PAK3: variants seen among roughly 807,000 people sequenced by gnomAD.
PAK3 encodes serine/threonine-protein kinase PAK 3.
In PAK3, 4 loss-of-function variants were observed where a neutral mutation model predicts 41.0. That is an observed-to-expected ratio of 0.10 (90% CI 0.05 to 0.22). PAK3 has a LOEUF of 0.22. PAK3 is among the 10% of genes least tolerant of loss of function. The pLI, the probability that PAK3 is intolerant of heterozygous loss-of-function variation, is 1.00. For synonymous variants in PAK3, 146 were observed against 139.6 expected (o/e 1.05, Z -0.32); for missense variants, 205 against 409.9 (o/e 0.50, Z 4.32).
intron 1 of PAK3, among the ~76,000 whole-genome samples, chrX:111,090,981 A>G (rs373362480): frequency 8.5e-4 from 95 of 111,587 alleles, no homozygotes; most frequent in African/African-American, 3.0e-3. Flanking sequence ...AATATATAAT[A>G]TGATCCACTT....
intron 17 of PAK3, among the ~76,000 whole-genome samples, chrX:111,219,040 A>T (rs2404701): frequency 0.077 from 8,280 of 108,081 alleles, 758 homozygotes; most frequent in African/African-American, 0.25. Flanking sequence ...AAATACAAAA[A>T]TTAGCCAGGC....
chrX:110,947,378 GA>G (rs1374222742), intron 1 of PAK3, among the ~76,000 whole-genome samples: 3 of 111,679 alleles, frequency 2.7e-5, no homozygotes, highest in African/African-American at 9.8e-5. Flanking sequence ...GTATCTCTAA[GA>G]TACATTCTCC....
intron 1 of PAK3, among the ~76,000 whole-genome samples, chrX:111,053,652 T>C (rs143756740): frequency 2.7e-5 from 3 of 110,991 alleles, no homozygotes; most frequent in African/African-American, 6.6e-5. Context: ...TGCCCAACTA[T>C]GACCCTCATG....
chrX:111,061,249 G>A (rs1219268021), intron 1 of PAK3, among the ~76,000 whole-genome samples: 3 of 111,783 alleles, frequency 2.7e-5, no homozygotes, highest in Non-Finnish European at 5.7e-5. Flanking sequence ...CAGATAAAAT[G>A]TATTGAATAG....
chrX:111,196,847 TTTC>T (rs942269424), intron 16 of PAK3, among the ~76,000 whole-genome samples: 4 of 88,293 alleles, frequency 4.5e-5, no homozygotes, highest in Non-Finnish European at 7.7e-5. Context: ...TTTTTCTTTC[TTTC>T]TTTCTTTTTT....
At chrX:111,194,009 C>A (rs1026442814) in intron 13 of PAK3, among the ~76,000 whole-genome samples, 1 of 111,246 alleles carries the variant, frequency 9.0e-6, no homozygotes, top group Non-Finnish European at 1.9e-5. Flanking sequence ...TCCTATAATT[C>A]ATCTTTCTTG....
At position 111,073,996 on chromosome X, in the gene PAK3, A is replaced by T. The variant is rs2092765586; in HGVS notation, c.-27-49081A>T. Among the ~76,000 whole-genome samples the T allele has an allele frequency of 5.3e-5, 6 of 112,438 alleles. No individual in the cohort carries two copies. In the South Asian group the frequency reaches 2.2e-3, roughly 42 times the overall value. On this transcript the variant is annotated intron_variant, in intron 1 of 14. Coordinates refer to the PAK3 transcript ENST00000425146. ...AAGATAAATTCAACAGCACATTAAA[A>T]ATAACATTCTTTATGATCAAAAAGG...
Position 111,011,704 on chromosome X carries a change from G to A in PAK3, c.-28+67076G>A, listed in dbSNP as rs1260009305. On this transcript the variant is annotated intron_variant, in intron 1 of 14. Coordinates refer to the PAK3 transcript ENST00000425146. ...TTCTGCAGTGTAAGCAGTATTAACAGCCTGGGTTCAAATCCTCCCACAACC... is the reference window on the plus strand; with the variant it reads ...TTCTGCAGTGTAAGCAGTATTAACAACCTGGGTTCAAATCCTCCCACAACC... 8.9e-5 allele frequency among the ~76,000 whole-genome samples: 10 copies of A among 112,409 alleles called. No individual in the cohort carries two copies. The Admixed American group carries it at 9.4e-4, about 11-fold the overall frequency.
intron 1 of PAK3, among the ~76,000 whole-genome samples, chrX:110,993,341 AT>A (rs764000434): frequency 1.3e-4 from 14 of 110,706 alleles, no homozygotes; most frequent in East Asian, 2.8e-4. Flanking sequence ...TGAATTGATG[AT>A]TTTTTTTCTT....
chrX:111,045,916 A>G (rs1227374817), intron 1 of PAK3, among the ~76,000 whole-genome samples: 2 of 111,477 alleles, frequency 1.8e-5, no homozygotes, highest in Non-Finnish European at 3.8e-5. Flanking sequence ...GATCACCTCT[A>G]TTTGACCCTG....
intron 17 of PAK3, chrX:111,216,923 C>A: frequency 4.0e-6 from 3 of 751,555 alleles, no homozygotes; most frequent in Non-Finnish European, 4.7e-6. Flanking sequence ...CATAACTATG[C>A]AATTATTTCC....
At chrX:111,163,125 A>G (rs1218677079) in intron 9 of PAK3, 79 bp downstream of exon 9, 4 of 946,326 alleles carry the variant, frequency 4.2e-6, no homozygotes, top group African/African-American at 1.9e-5. Context: ...ATAGTTAATC[A>G]GCTAGTACCT....
At chrX:111,215,599 A>G (rs1250020238) in intron 16 of PAK3, among the ~76,000 whole-genome samples, 1 of 111,726 alleles carries the variant, frequency 9.0e-6, no homozygotes, top group Non-Finnish European at 1.9e-5. Context: ...CCTGAGTTCA[A>G]CTCTGACTAG....
intron 10 of PAK3, among the ~76,000 whole-genome samples, chrX:111,171,638 TA>T (rs967023215): frequency 4.5e-5 from 5 of 111,814 alleles, no homozygotes; most frequent in Admixed American, 9.5e-5. Context: ...ATAAACTTAC[TA>T]AAAAAATGTT....
chrX:111,152,262 A>G (rs1220700119), intron 7 of PAK3, 148 bp from the exon 8 acceptor site: 2 of 446,874 alleles, frequency 4.5e-6, no homozygotes, highest in African/African-American at 2.5e-5. Context: ...AAGCTATGTC[A>G]TTAGTCATAA....
At chrX:111,152,135 T>A (rs2094037602) in intron 7 of PAK3, among the ~76,000 whole-genome samples, 1 of 111,849 alleles carries the variant, frequency 8.9e-6, no homozygotes. Context: ...CTGTTAAGAG[T>A]AGGTAATCTT....
At chrX:111,152,907 T>C (rs2094050851) in intron 8 of PAK3, 1 of 118,007 alleles carries the variant, frequency 8.5e-6, no homozygotes, top group South Asian at 3.1e-4. Context: ...TTCCTTTTTA[T>C]CTCTGAGTAT....
At chrX:111,205,472 T>C (rs1264903137) in intron 16 of PAK3, among the ~76,000 whole-genome samples, 1 of 110,938 alleles carries the variant, frequency 9.0e-6, no homozygotes, top group East Asian at 2.8e-4. Context: ...AGAGGAGTGG[T>C]ATTCAGAAAG....
chrX:111,144,972 C>T, intron 6 of PAK3: 1 of 721,569 alleles, frequency 1.4e-6, no homozygotes, highest in Non-Finnish European at 2.1e-6. Flanking sequence ...AATGCTTGGC[C>T]TGTTATATCG....
Sources: gnomAD v4.1 joint callset for allele counts (sites outside exome capture counted in the v4.1 genomes callset) on GRCh38, gnomAD v4.1.1 for gene constraint, MANE v1.5 for transcripts, NCBI Gene and HGNC (gene_info 2026-07-23, HGNC 2026-07-21) for gene names.